Variants in NCAM2 observed in about 807,000 individuals in gnomAD.
NCAM2 encodes N-CAM-2.
A neutral mutation model predicts 98.1 loss-of-function variants in NCAM2; 30 were observed. The ratio of observed to expected loss-of-function variants is 0.31; its 90% CI spans 0.23 to 0.41. The LOEUF (loss-of-function observed/expected upper bound fraction) is 0.41. Among genes scored for constraint, NCAM2 ranks in the 10% least tolerant of loss-of-function variants. The pLI is 1.00. For synonymous variants in NCAM2, 368 were observed against 342.4 expected (o/e 1.07, Z -0.83); for missense variants, 867 against 1,005.8 (o/e 0.86, Z 1.87).
At chr21:21,210,967 AACACACACACACACAC>A (rs71195310) in intron 1 of NCAM2, among the ~76,000 whole-genome samples, 42,186 of 127,124 alleles carry the variant, frequency 0.33, 7,300 homozygotes, top group Non-Finnish European at 0.4. Context: ...ACTCTCCCCA[AACACACACACACACAC>A]ACACACACAC....
chr21:21,535,652 A>G (rs1333163783), intron 17 of NCAM2, among the ~76,000 whole-genome samples: 2 of 152,124 alleles, frequency 1.3e-5, no homozygotes, highest in Non-Finnish European at 2.9e-5. Flanking sequence ...TTGCATTTAG[A>G]GATTATTACA....
At chr21:21,274,949 G>A (rs1225097884) in intron 1 of NCAM2, among the ~76,000 whole-genome samples, 3 of 151,916 alleles carry the variant, frequency 2.0e-5, no homozygotes, top group East Asian at 3.9e-4. Context: ...AGCAAAGGGC[G>A]CTTGGTACCC....
In NCAM2 at chr21:21,195,668, A is replaced by T. The variant is rs180832322; in HGVS notation, c.56-84910A>T. On this transcript the variant is annotated intron_variant, in intron 1 of 17. Coordinates refer to ENST00000400546, the MANE Select transcript of NCAM2 (RefSeq NM_004540.5). The stretch of plus-strand genomic sequence containing the variant: ...TCTGTTTTGTAGAAAAGGATAAGAA[A>T]ATGATATGACTAAAAATTATTCTGA... Among the ~76,000 whole-genome samples the T allele has an allele frequency of 4.9e-4, 74 of 152,330 alleles. 1 individual carries two copies. The highest frequency in any genetic ancestry group is 1.0e-3 in the Non-Finnish European group (70 of 68,018).
intron 9 of NCAM2, among the ~76,000 whole-genome samples, chr21:21,406,424 G>A (rs1376480225): frequency 2.6e-5 from 4 of 152,108 alleles, no homozygotes; most frequent in Admixed American, 6.6e-5. Flanking sequence ...TCAAGGGTGC[G>A]GGAACTCTTA....
intron 12 of NCAM2, among the ~76,000 whole-genome samples, chr21:21,461,436 G>C (rs1258383206): frequency 6.6e-6 from 1 of 151,730 alleles, no homozygotes; most frequent in Non-Finnish European, 1.5e-5. Context: ...ACTCATGATG[G>C]AAAGTTACAT....
At chr21:21,318,403 C>G (rs954774656) in intron 5 of NCAM2, among the ~76,000 whole-genome samples, 3 of 151,996 alleles carry the variant, frequency 2.0e-5, no homozygotes, top group Non-Finnish European at 2.9e-5. Flanking sequence ...AATGTTTTAC[C>G]TCCTTTCAAC....
chr21:21,155,108 T>C (rs1375741102), intron 1 of NCAM2, among the ~76,000 whole-genome samples: 2 of 151,392 alleles, frequency 1.3e-5, no homozygotes, highest in African/African-American at 4.8e-5. Flanking sequence ...TAAATGGTAA[T>C]GCCATCAACC....
rs1211757074 is a variant in NCAM2, at chr21:21,261,607, A to G, written c.56-18971A>G. Among the ~76,000 whole-genome samples, 5 of 152,170 alleles carry G rather than the reference A, an allele frequency of 3.3e-5. No individual in the cohort carries two copies. The East Asian group carries it at 9.6e-4, about 29-fold the overall frequency. On this transcript the variant is annotated intron_variant, in intron 1 of 17. Transcript: ENST00000400546. ...CTGTTCCTGATTGACCTACTTCTGA[A>G]TGACTTTTAGGTAATTAACAAAGTT...
intron 1 of NCAM2, among the ~76,000 whole-genome samples, chr21:21,059,164 A>AT (rs1378056086): frequency 1.3e-5 from 2 of 151,762 alleles, no homozygotes; most frequent in African/African-American, 2.4e-5. Context: ...GCATTTCTTT[A>AT]TTTTTTGATT....
chr21:21,040,495 C>T lies in NCAM2; in HGVS notation c.55+41877C>T, dbSNP rs531328505. ...GGAAACGTCCACTATAGAAATGATG[C>T]AATATTCTATAGTAAGTGCTCACAA... On this transcript the variant is annotated intron_variant, in intron 1 of 17. Transcript: ENST00000400546. Among the ~76,000 whole-genome samples, 10 of 151,946 alleles carry T rather than the reference C, an allele frequency of 6.6e-5. No homozygotes were observed. The South Asian group carries it at 1.5e-3, about 22-fold the overall frequency.
intron 9 of NCAM2, among the ~76,000 whole-genome samples, chr21:21,389,029 A>G (rs116117071): frequency 6.6e-6 from 1 of 152,220 alleles, no homozygotes; most frequent in Non-Finnish European, 1.5e-5. Context: ...GGTAACTGGG[A>G]TATCCCTCAC....
intron 1 of NCAM2, among the ~76,000 whole-genome samples, chr21:21,060,088 G>A (rs1009105378): frequency 6.6e-6 from 1 of 152,020 alleles, no homozygotes; most frequent in Non-Finnish European, 1.5e-5. Context: ...GATTGCGTTT[G>A]TACATGCTTG....
chr21:21,454,297 G>T (rs982751092), intron 12 of NCAM2, among the ~76,000 whole-genome samples: 2 of 151,988 alleles, frequency 1.3e-5, no homozygotes, highest in African/African-American at 4.8e-5. Context: ...GTGTATGTTT[G>T]TGTATACCCA....
chr21:21,250,046 G>A (rs191160919), intron 1 of NCAM2, among the ~76,000 whole-genome samples: 60 of 152,204 alleles, frequency 3.9e-4, no homozygotes, highest in African/African-American at 1.3e-3. Context: ...TAATAGGTTC[G>A]GATAGACTAA....
intron 9 of NCAM2, among the ~76,000 whole-genome samples, chr21:21,383,258 A>T (rs2076198021): frequency 1.3e-5 from 2 of 152,106 alleles, no homozygotes; most frequent in African/African-American, 2.4e-5. Context: ...ACCTCAAGTG[A>T]TTTCTCAAAG....
At chr21:21,449,625 T>C (rs1296234653) in intron 12 of NCAM2, among the ~76,000 whole-genome samples, 1 of 152,010 alleles carries the variant, frequency 6.6e-6, no homozygotes, top group East Asian at 1.9e-4. Flanking sequence ...AAACATTATT[T>C]AACTTTTGGA....
At chr21:21,485,576 G>C (rs1986279539) in intron 15 of NCAM2, among the ~76,000 whole-genome samples, 2 of 152,158 alleles carry the variant, frequency 1.3e-5, no homozygotes, top group Admixed American at 6.5e-5. Flanking sequence ...TTCATTATGT[G>C]AATATGCAAT....
chr21:21,232,941 T>G (rs554591103), intron 1 of NCAM2, among the ~76,000 whole-genome samples: 13 of 151,712 alleles, frequency 8.6e-5, no homozygotes, highest in African/African-American at 2.4e-4. Context: ...ATTCTGGGAA[T>G]TTTGCAGAAA....
intron 5 of NCAM2, among the ~76,000 whole-genome samples, chr21:21,317,206 C>T (rs2147758154): frequency 6.6e-6 from 1 of 152,262 alleles, no homozygotes; most frequent in East Asian, 1.9e-4. Context: ...TCCCCTTCTC[C>T]CACTCTCTGA....
Sources: allele counts gnomAD v4.1 joint callset (sites outside exome capture counted in the v4.1 genomes callset), GRCh38; gene constraint gnomAD v4.1.1; transcripts MANE v1.5; gene names NCBI Gene and HGNC (gene_info 2026-07-23, HGNC 2026-07-21).